Variants in MSH3 observed in about 807,000 individuals in gnomAD.
MSH3 encodes mutS homolog 3.
A neutral mutation model predicts 123.3 loss-of-function variants in MSH3; 106 were observed. The ratio of observed to expected loss-of-function variants is 0.86; its 90% CI spans 0.73 to 1.01. The LOEUF (loss-of-function observed/expected upper bound fraction) is 1.01. Among genes scored for constraint, MSH3 ranks in the 50% least tolerant of loss-of-function variants. The pLI, the probability that MSH3 is intolerant of heterozygous loss-of-function variation, is 0.00. For missense variants in MSH3, 1,459 were observed against 1,347.6 expected, an observed-to-expected ratio of 1.08 and a Z score of -1.29; for synonymous variants, 515 against 481.4, an observed-to-expected ratio of 1.07 and a Z score of -0.91.
rs575484989 is a variant in MSH3 at position 80,736,213 on chromosome 5, G to A, written c.1569-5251G>A. ...TGCACTCCAACCTGGGTGACTGAGCGAGACTCCGTCCCTCACCCACCCACC... is the reference window on the plus strand; with the variant it reads ...TGCACTCCAACCTGGGTGACTGAGCAAGACTCCGTCCCTCACCCACCCACC... On this transcript the variant is annotated intron_variant, in intron 10 of 23. Coordinates refer to ENST00000265081, the MANE Select transcript of MSH3 (RefSeq NM_002439.5). Among the ~76,000 whole-genome samples the A allele has an allele frequency of 4.3e-4, 66 of 151,906 alleles. 1 individual carries two copies. Among genetic ancestry groups the A allele is most frequent in the Non-Finnish European group, 6.5e-4 (44 of 67,976 alleles).
Position 80,769,013 on chromosome 5 carries a change from A to G in MSH3, c.2253+10A>G, listed in dbSNP as rs1227503187. On this transcript the variant is annotated intron_variant, in intron 15 of 23. Coordinates refer to ENST00000265081, the MANE Select transcript of MSH3 (RefSeq NM_002439.5). The stretch of plus-strand genomic sequence containing the variant: ...AGTATCAGGACAGGAGGTAATGTCA[A>G]GCTTACTTTTATTTTCTATTAGTTT... 5.0e-6 allele frequency: 8 copies of G among 1,610,110 alleles called. No homozygotes were observed. The highest frequency in any genetic ancestry group is 1.3e-5 in the African/African-American group (1 of 74,868).
In MSH3 at chr5:80,697,301, A is replaced by G. The variant is rs3797883; in HGVS notation, c.1340+18208A>G. On this transcript the variant is annotated intron_variant, in intron 8 of 23. Coordinates refer to ENST00000265081, the MANE Select transcript of MSH3 (RefSeq NM_002439.5). ...CTGCCATAAGAAAGGTGCCTGAGTTATACAAGGTGTTGGCAGCTGGAGCCA... is the reference window on the plus strand; with the variant it reads ...CTGCCATAAGAAAGGTGCCTGAGTTGTACAAGGTGTTGGCAGCTGGAGCCA... Among the ~76,000 whole-genome samples the G allele has an allele frequency of 9.3e-4, 141 of 152,344 alleles. No homozygotes were observed. In the East Asian group the frequency reaches 0.024, roughly 26 times the overall value.
rs1178034677 is a variant in MSH3, at chr5:80,693,405, GTA to G, written c.1340+14316_1340+14317del. On this transcript the variant is annotated intron_variant, in intron 8 of 23. Coordinates refer to ENST00000265081, the MANE Select transcript of MSH3 (RefSeq NM_002439.5). ...TGTTTATATAGATATACATGCACAT[GTA>G]TATGTTTATATAGATATACATGCAC... is the stretch of plus-strand genomic sequence containing the variant. Among the ~76,000 whole-genome samples the G allele has an allele frequency of 4.3e-5, 2 of 46,392 alleles. 1 individual carries two copies. 30.4% of individuals were successfully genotyped at this position (46,392 alleles called of 152,430 possible).
Position 80,813,439 on chromosome 5 carries a change from T to C in MSH3, c.2656-145T>C, listed in dbSNP as rs2306371. On this transcript the variant is annotated intron_variant, in intron 19 of 23. Coordinates refer to ENST00000265081, the MANE Select transcript of MSH3 (RefSeq NM_002439.5). ...TTTCTGCAGTATCACACAGTTCAGG[T>C]TGAAGACAGAGGACCGCTTTCCTTT... The C allele has an allele frequency of 0.13, 102,062 of 782,636 alleles. 7,344 individuals are homozygous for C. Among genetic ancestry groups the C allele is most frequent in the East Asian group, 0.24 (9,138 of 37,414 alleles). 48.5% of individuals were successfully genotyped at this position (782,636 alleles called of 1,614,324 possible).
At chr5:80,804,115 G>T (rs201287800) in intron 19 of MSH3, among the ~76,000 whole-genome samples, 1 of 152,132 alleles carries the variant, frequency 6.6e-6, no homozygotes, top group East Asian at 1.9e-4. Flanking sequence ...TTTTAATAGG[G>T]ATTGCATTGA....
At chr5:80,832,221 A>G (rs1745432297) in intron 20 of MSH3, among the ~76,000 whole-genome samples, 1 of 152,238 alleles carries the variant, frequency 6.6e-6, no homozygotes. Context: ...TCATAGAGAC[A>G]GAAAATATGG....
intron 2 of MSH3, among the ~76,000 whole-genome samples, chr5:80,660,672 A>G (rs1029501970): frequency 1.3e-5 from 2 of 152,114 alleles, no homozygotes; most frequent in African/African-American, 4.8e-5. Flanking sequence ...TTTATTTTTA[A>G]TTATAGAGGG....
rs1749671816 is a variant in MSH3 at position 80,670,164 on chromosome 5, C to T, written c.647C>T (p.Thr216Ile). Residue 216 changes from threonine (T) to isoleucine (I), a missense_variant, in exon 4 of 24, where the codon ACT (threonine) becomes ATT (isoleucine). Thr to Ile is a moderately conservative substitution (Grantham distance 89, BLOSUM62 -1). Transcript: ENST00000265081. The stretch of plus-strand genomic sequence containing the variant: ...ACAAGTCATGAAAATTTACAGAAAA[C>T]TGCTTCCAAATCAGCTAACAAACGG... The part of the protein sequence containing the change: ...SNTSHENLQK[T>I]ASKSANKRSK... 1.2e-6 allele frequency: 2 copies of T among 1,614,094 alleles called. No homozygotes were observed. Among genetic ancestry groups the T allele is most frequent in the Non-Finnish European group, 1.7e-6 (2 of 1,179,994 alleles).
At chr5:80,787,432 C>T in intron 17 of MSH3, 133 bp from the exon 18 acceptor site, 3 of 745,892 alleles carry the variant, frequency 4.0e-6, no homozygotes, top group Non-Finnish European at 7.5e-6. Context: ...CTCCATCTCT[C>T]TTAACTGTTA....
chr5:80,869,797 T>TATATATAC (rs1382361096), intron 22 of MSH3, among the ~76,000 whole-genome samples: 9 of 128,124 alleles, frequency 7.0e-5, no homozygotes, highest in Admixed American at 2.6e-4. Context: ...CATATATACA[T>TATATATAC]ATATATACAT....
At chr5:80,711,637 A>T (rs1001084011) in intron 8 of MSH3, among the ~76,000 whole-genome samples, 3 of 152,038 alleles carry the variant, frequency 2.0e-5, no homozygotes, top group Non-Finnish European at 4.4e-5. Context: ...TGAAGACAGC[A>T]CATTTTCTTT....
intron 15 of MSH3, among the ~76,000 whole-genome samples, chr5:80,769,739 T>G (rs748925859): frequency 6.6e-6 from 1 of 152,128 alleles, no homozygotes; most frequent in Non-Finnish European, 1.5e-5. Flanking sequence ...ATGGTTAACT[T>G]CTATAGAATG....
At position 80,744,570 on chromosome 5, in the gene MSH3, G is replaced by A. The variant is rs747248456; in HGVS notation, c.1718G>A (p.Arg573Lys). The change falls in exon 12 of 24, where the codon AGA becomes AAA. Residue 573 changes from arginine (R) to lysine (K), a missense_variant. By Grantham distance (26) the Arg-to-Lys change is conservative. Coordinates refer to ENST00000265081, the MANE Select transcript of MSH3 (RefSeq NM_002439.5). ...VLDHTKTSFG[R>K]RKLKKWVTQP... is the part of the protein sequence containing the mutation. ...GACCACACTAAAACTTCATTTGGGA[G>A]ACGGAAGTTAAAGAAGTGGGTGACC... 7.4e-6 allele frequency: 12 copies of A among 1,613,888 alleles called. No homozygotes were observed. In the East Asian group the frequency reaches 2.7e-4, roughly 36 times the overall value.
intron 11 of MSH3, 89 bp from the exon 12 acceptor site, chr5:80,744,417 A>G: frequency 3.4e-6 from 3 of 881,004 alleles, no homozygotes; most frequent in Non-Finnish European, 5.6e-6. Flanking sequence ...TGCTAGGTAT[A>G]TATGACATTT....
rs758679666 is a variant in MSH3 at position 80,728,831 on chromosome 5, T to C, written c.1454-20T>C. ...ATTTAAAAGAATTTTTATAACAAGT[T>C]AATATATTCTGTTTTCTAGGTTCTC... On this transcript the variant is annotated intron_variant, in intron 9 of 23. Coordinates refer to ENST00000265081, the MANE Select transcript of MSH3 (RefSeq NM_002439.5). 3 of 1,235,384 alleles carry C rather than the reference T, an allele frequency of 2.4e-6. No homozygotes were observed. The Admixed American group carries it at 5.1e-5, about 21-fold the overall frequency. 76.5% of individuals were successfully genotyped at this position (1,235,384 alleles called of 1,614,324 possible). A position where few individuals can be genotyped will look rare whatever the true frequency, so the allele number is the denominator to read the frequency against.
chr5:80,703,734 C>T (rs1750659020), intron 8 of MSH3, among the ~76,000 whole-genome samples: 1 of 152,082 alleles, frequency 6.6e-6, no homozygotes, highest in South Asian at 2.1e-4. Flanking sequence ...TTTATTCACT[C>T]CTGCTGTTAT....
chr5:80,654,700 G>A lies in MSH3; in HGVS notation c.-28G>A, dbSNP rs1040431421. The A allele has an allele frequency of 6.3e-7, 1 of 1,576,966 alleles. No individual in the cohort carries two copies. The highest frequency in any genetic ancestry group is 2.5e-5 in the East Asian group (1 of 40,710). On this transcript the variant is annotated 5_prime_UTR_variant, in exon 1 of 24. Transcript: ENST00000265081. ...GGGCTCGCGCTCCTCGCCAGGCCCT[G>A]CCGCCGGGCTGCCATCCTTGCCCTG...
intron 19 of MSH3, among the ~76,000 whole-genome samples, chr5:80,809,958 C>T (rs1344392901): frequency 6.6e-6 from 1 of 151,798 alleles, no homozygotes; most frequent in Non-Finnish European, 1.5e-5. Flanking sequence ...ATAACAGACA[C>T]CTATTTACCC....
chr5:80,846,121 A>G (rs1409599172), intron 20 of MSH3, among the ~76,000 whole-genome samples: 2 of 151,918 alleles, frequency 1.3e-5, no homozygotes, highest in Non-Finnish European at 2.9e-5. Flanking sequence ...TGTTGATGCT[A>G]TTTCTTTCTG....
Sources: allele counts gnomAD v4.1 joint callset (sites outside exome capture counted in the v4.1 genomes callset), GRCh38; gene constraint gnomAD v4.1.1; transcripts MANE v1.5; gene names NCBI Gene and HGNC (gene_info 2026-07-23, HGNC 2026-07-21).